Variants in SAXO1 observed in about 807,000 individuals in gnomAD.
SAXO1 encodes stabilizer of axonemal microtubules 1.
In SAXO1, 21 loss-of-function variants were observed where a neutral mutation model predicts 17.5. That is an observed-to-expected ratio of 1.20 (90% CI 0.85 to 1.72). The LOEUF is 1.72. Ranked by LOEUF, SAXO1 falls within the 40% of genes most tolerant of loss-of-function variation. SAXO1 has a pLI of 0.00. For missense variants in SAXO1, 843 were observed against 596.0 expected, an observed-to-expected ratio of 1.41 and a Z score of -4.32; for synonymous variants, 274 against 216.5, an observed-to-expected ratio of 1.27 and a Z score of -2.33.
chr9:18,945,080 C>T (rs10963854), intron 2 of SAXO1, among the ~76,000 whole-genome samples: 15,360 of 152,058 alleles, frequency 0.1, 1,503 homozygotes, highest in African/African-American at 0.26. Context: ...TTGAGTGTTA[C>T]CTCCCATCTT....
chr9:19,039,255 C>G (rs77814556), intron 1 of SAXO1, among the ~76,000 whole-genome samples: 6,000 of 152,206 alleles, frequency 0.039, 140 homozygotes, highest in Non-Finnish European at 0.055. Context: ...TATTGAAAAA[C>G]CAACTGTGGT....
intron 1 of SAXO1, chr9:19,027,635 G>A: frequency 1.4e-6 from 2 of 1,420,792 alleles, no homozygotes; most frequent in Non-Finnish European, 2.0e-6. Flanking sequence ...TGCCAAGCTA[G>A]TCCGGGATGC....
chr9:18,979,465 CAA>C (rs1563958934), intron 1 of SAXO1, among the ~76,000 whole-genome samples: 1 of 152,116 alleles, frequency 6.6e-6, no homozygotes, highest in African/African-American at 2.4e-5. Flanking sequence ...GGTATCTGTG[CAA>C]AGAGAAGGAT....
upstream of SAXO1, among the ~76,000 whole-genome samples, chr9:19,033,890 C>T (rs1018598759): frequency 3.3e-5 from 5 of 152,136 alleles, no homozygotes; most frequent in African/African-American, 1.2e-4. Context: ...TGCTGGGCCA[C>T]GGACCACACT....
intron 1 of SAXO1, among the ~76,000 whole-genome samples, chr9:18,960,780 C>G (rs1832451331): frequency 7.9e-6 from 1 of 126,232 alleles, no homozygotes; most frequent in Non-Finnish European, 1.6e-5. Context: ...GACCCTGTCT[C>G]AAAAGAAAAA....
At chr9:18,986,082 C>T (rs1335273048) in intron 1 of SAXO1, among the ~76,000 whole-genome samples, 2 of 152,120 alleles carry the variant, frequency 1.3e-5, no homozygotes, top group African/African-American at 4.8e-5. Context: ...AGCAGAGATC[C>T]TTAACTCAAA....
At chr9:19,029,197 A>G (rs556903847) in intron 1 of SAXO1, among the ~76,000 whole-genome samples, 2 of 152,342 alleles carry the variant, frequency 1.3e-5, no homozygotes, top group East Asian at 3.9e-4. Context: ...AATGTCCTCA[A>G]AAGTTAAAGT....
At chr9:19,021,348 G>A (rs914649712) in intron 1 of SAXO1, among the ~76,000 whole-genome samples, 18 of 152,322 alleles carry the variant, frequency 1.2e-4, no homozygotes, top group Middle Eastern at 3.4e-3. Flanking sequence ...CATAAGGTCC[G>A]AGAAAGACAC....
intron 1 of SAXO1, among the ~76,000 whole-genome samples, chr9:19,005,452 T>G (rs898023819): frequency 6.6e-6 from 1 of 152,272 alleles, no homozygotes; most frequent in African/African-American, 2.4e-5. Flanking sequence ...TGGTATAGAA[T>G]AGAGCCCAGA....
intron 1 of SAXO1, among the ~76,000 whole-genome samples, chr9:19,003,630 A>T (rs1339904326): frequency 6.6e-6 from 1 of 152,238 alleles, no homozygotes; most frequent in Admixed American, 6.5e-5. Flanking sequence ...CCTGACAAAA[A>T]TAAGCAATGG....
At chr9:18,965,917 G>A (rs1394159877) in intron 1 of SAXO1, among the ~76,000 whole-genome samples, 7 of 152,174 alleles carry the variant, frequency 4.6e-5, no homozygotes, top group African/African-American at 1.7e-4. Flanking sequence ...CTTCCTTCAG[G>A]AGCTGTTGTA....
At chr9:19,018,143 G>C (rs943825067) in intron 1 of SAXO1, among the ~76,000 whole-genome samples, 5 of 151,388 alleles carry the variant, frequency 3.3e-5, no homozygotes, top group African/African-American at 1.2e-4. Context: ...ACTCTAGCTG[G>C]GGCAACAGAG....
chr9:19,015,433 TC>T (rs1438238710), intron 1 of SAXO1, among the ~76,000 whole-genome samples: 5 of 152,160 alleles, frequency 3.3e-5, no homozygotes, highest in Non-Finnish European at 7.4e-5. Flanking sequence ...AAGCTCCGCC[TC>T]CCGGATTCAA....
rs150145002 is a variant in SAXO1 at position 18,987,442 on chromosome 9, G to C, written c.39-36505C>G. Reference sequence around the variant, plus strand: ...AGAGTTTATTTGTGACTGCAGCACAGACTAGTATTACTTAACTAATATGCT... The same window carrying C: ...AGAGTTTATTTGTGACTGCAGCACACACTAGTATTACTTAACTAATATGCT... On this transcript the variant is annotated intron_variant, in intron 1 of 3. Coordinates refer to ENST00000380534, the MANE Select transcript of SAXO1 (RefSeq NM_153707.4). 2.0e-5 allele frequency among the ~76,000 whole-genome samples: 3 copies of C among 152,338 alleles called. No individual in the cohort carries two copies. The East Asian group carries it at 5.8e-4, about 29-fold the overall frequency.
At chr9:18,965,269 G>T (rs1159613383) in intron 1 of SAXO1, among the ~76,000 whole-genome samples, 1 of 152,160 alleles carries the variant, frequency 6.6e-6, no homozygotes, top group Non-Finnish European at 1.5e-5. Context: ...GTGTCTATTA[G>T]GTCCACTTGG....
chr9:19,040,258 G>C (rs1380121663), intron 1 of SAXO1, among the ~76,000 whole-genome samples: 6 of 152,136 alleles, frequency 3.9e-5, no homozygotes, highest in Non-Finnish European at 7.4e-5. Flanking sequence ...AATGGTTTAG[G>C]ATTTCAAATA....
intron 1 of SAXO1, among the ~76,000 whole-genome samples, chr9:18,966,872 T>C (rs1181835462): frequency 6.6e-6 from 1 of 152,250 alleles, no homozygotes; most frequent in Non-Finnish European, 1.5e-5. Context: ...CTCCTTACCT[T>C]CGTGGATTTA....
At chr9:19,016,371 G>C (rs1440146778) in intron 1 of SAXO1, among the ~76,000 whole-genome samples, 1 of 152,198 alleles carries the variant, frequency 6.6e-6, no homozygotes, top group East Asian at 1.9e-4. Flanking sequence ...AGGTGGCGGA[G>C]GTTGTAGTGA....
chr9:19,026,146 G>C (rs1296982044), intron 1 of SAXO1, among the ~76,000 whole-genome samples: 3 of 152,126 alleles, frequency 2.0e-5, no homozygotes, highest in Admixed American at 6.6e-5. Flanking sequence ...TGTGTGAAGT[G>C]ATAGATATGC....
Sources: allele counts gnomAD v4.1 joint callset (sites outside exome capture counted in the v4.1 genomes callset), GRCh38; gene constraint gnomAD v4.1.1; transcripts MANE v1.5; gene names NCBI Gene and HGNC (gene_info 2026-07-23, HGNC 2026-07-21).